Variants in OTUD7A observed in about 807,000 individuals in gnomAD.
OTUD7A encodes OTU deubiquitinase 7A.
OTUD7A carries 12 observed loss-of-function variants against 65.7 expected under a neutral mutation model. That is an observed-to-expected ratio of 0.18 (90% CI 0.12 to 0.30). The LOEUF (loss-of-function observed/expected upper bound fraction) is 0.30, where lower values mean the gene tolerates loss of function less well. Ranked by LOEUF, OTUD7A falls within the 10% of genes least tolerant of loss-of-function variation. The pLI, the probability that OTUD7A is intolerant of heterozygous loss-of-function variation, is 1.00. For missense variants in OTUD7A, 1,148 were observed against 1,304.8 expected (o/e 0.88, Z 1.85); for synonymous variants, 641 against 586.3 (o/e 1.09, Z -1.35).
chr15:31,756,021 C>T (rs1331166739), intron 1 of OTUD7A, among the ~76,000 whole-genome samples: 1 of 152,196 alleles, frequency 6.6e-6, no homozygotes, highest in Admixed American at 6.5e-5. Context: ...CTGAGGACTC[C>T]AGCCTCACCT....
intron 5 of OTUD7A, among the ~76,000 whole-genome samples, chr15:31,539,581 T>C (rs946220274): frequency 6.6e-6 from 1 of 152,176 alleles, no homozygotes; most frequent in African/African-American, 2.4e-5. Flanking sequence ...TTTTTTGGAA[T>C]GAAAATAAAT....
chr15:31,762,696 C>G (rs1379952703), intron 1 of OTUD7A, among the ~76,000 whole-genome samples: 1 of 152,224 alleles, frequency 6.6e-6, no homozygotes, highest in Non-Finnish European at 1.5e-5. Flanking sequence ...AACTTTGGAA[C>G]CACATCCCTG....
intron 1 of OTUD7A, among the ~76,000 whole-genome samples, chr15:31,696,080 C>T (rs1370585281): frequency 6.6e-6 from 1 of 152,132 alleles, no homozygotes; most frequent in African/African-American, 2.4e-5. Context: ...GAAGGAGTCC[C>T]CTGTGCAGGG....
At chr15:31,605,965 C>T (rs1407306857) in intron 3 of OTUD7A, among the ~76,000 whole-genome samples, 1 of 152,224 alleles carries the variant, frequency 6.6e-6, no homozygotes, top group Non-Finnish European at 1.5e-5. Flanking sequence ...CCAACATCAA[C>T]AGGCCTTTCT....
intron 2 of OTUD7A, among the ~76,000 whole-genome samples, chr15:31,655,689 T>C (rs951069870): frequency 1.3e-5 from 2 of 152,212 alleles, no homozygotes; most frequent in African/African-American, 4.8e-5. Context: ...TCCCAAGCTA[T>C]TGTATTTTGA....
At chr15:31,749,315 T>G (rs1595743992) in intron 1 of OTUD7A, among the ~76,000 whole-genome samples, 1 of 152,138 alleles carries the variant, frequency 6.6e-6, no homozygotes, top group Non-Finnish European at 1.5e-5. Context: ...CAAATTTTGG[T>G]GAGGATGTGG....
At position 31,483,622 on chromosome 15, in the gene OTUD7A, C is replaced by A; in HGVS notation, c.2474G>T (p.Arg825Leu). 1 of 1,190,436 alleles carries A rather than the reference C, an allele frequency of 8.4e-7. No individual in the cohort carries two copies. Among genetic ancestry groups the A allele is most frequent in the Non-Finnish European group, 1.0e-6 (1 of 964,020 alleles). The allele number at this position is 1,190,436 out of a possible 1,614,324, so 73.7% of individuals were successfully genotyped here. Reference protein sequence around the residue: ...SYSPARAAALRTVNTVESLAR... With the variant: ...SYSPARAAALLTVNTVESLAR... ...CAGCGACTCGACCGTGTTGACGGTG[C>A]GCAGGGCGGCGGCGCGCGCCGGGCT... is the stretch of plus-strand genomic sequence containing the variant. The change falls in exon 13 of 13, where the codon CGC (arginine) becomes CTC (leucine). Residue 825 changes from arginine (R) to leucine (L), a missense_variant. By Grantham distance (102) the Arg-to-Leu change is moderately radical. Around this residue, in one of 6 missense-constraint regions of OTUD7A, gnomAD observed 842 missense variants for 769.5 expected, o/e 1.09. Coordinates refer to ENST00000307050, the MANE Select transcript of OTUD7A (RefSeq NM_001382637.1).
rs945395925 is a variant in OTUD7A, at chr15:31,477,588, A to G, written c.*5706T>C. ...CACTGGGTCAGCTAAAGTTCTCACAATAATAGAACCTAGATTTGATGAAAG... is the reference window on the plus strand; with the variant it reads ...CACTGGGTCAGCTAAAGTTCTCACAGTAATAGAACCTAGATTTGATGAAAG... On this transcript the variant is annotated 3_prime_UTR_variant, in exon 13 of 13. Coordinates refer to ENST00000307050, the MANE Select transcript of OTUD7A (RefSeq NM_001382637.1). 1.3e-5 allele frequency: 2 copies of G among 152,202 alleles called. No homozygotes were observed. The highest frequency in any genetic ancestry group is 4.8e-5 in the African/African-American group (2 of 41,462). The allele number at this position is 152,202 out of a possible 1,614,324, so 9.4% of individuals were successfully genotyped here. A position where few individuals can be genotyped will look rare whatever the true frequency, so the allele number is the denominator to read the frequency against.
intron 8 of OTUD7A, among the ~76,000 whole-genome samples, chr15:31,517,891 G>A (rs994956292): frequency 8.5e-5 from 13 of 152,138 alleles, no homozygotes; most frequent in South Asian, 4.1e-4. Context: ...GCAAGAGCGC[G>A]TGTCATAGAT....
At chr15:31,864,173 C>T (rs897071606) in intron 1 of OTUD7A, among the ~76,000 whole-genome samples, 25 of 152,212 alleles carry the variant, frequency 1.6e-4, no homozygotes, top group African/African-American at 5.3e-4. Flanking sequence ...AGCCACTCAA[C>T]AAGTCTCTAG....
chr15:31,848,023 A>G (rs1211370596), intron 1 of OTUD7A, among the ~76,000 whole-genome samples: 1 of 152,232 alleles, frequency 6.6e-6, no homozygotes, highest in Non-Finnish European at 1.5e-5. Flanking sequence ...TGCAGATTAC[A>G]GTTCCCACAT....
chr15:31,744,137 C>T (rs541415020), intron 1 of OTUD7A, among the ~76,000 whole-genome samples: 1 of 152,180 alleles, frequency 6.6e-6, no homozygotes, highest in African/African-American at 2.4e-5. Flanking sequence ...TATGAAAATT[C>T]TTCCCTTAAA....
rs569600810 is a variant in OTUD7A, at chr15:31,815,609, T to G, written c.-100+54898A>C. On this transcript the variant is annotated intron_variant, in intron 1 of 12. Coordinates refer to ENST00000307050, the MANE Select transcript of OTUD7A (RefSeq NM_001382637.1). The stretch of plus-strand genomic sequence containing the variant: ...GGGCTGGAACTGTGTGAGTTCACTT[T>G]GCAAAGATCCTCTGGTCTATGGTTG... Among the ~76,000 whole-genome samples the G allele has an allele frequency of 2.0e-5, 3 of 152,348 alleles. No individual in the cohort carries two copies. In the East Asian group the frequency reaches 5.8e-4, roughly 29 times the overall value.
intron 8 of OTUD7A, among the ~76,000 whole-genome samples, chr15:31,515,641 C>T (rs2041837004): frequency 7.9e-6 from 1 of 125,864 alleles, no homozygotes. Flanking sequence ...TTCCTTCCCT[C>T]CCTCTCTCTC....
intron 1 of OTUD7A, among the ~76,000 whole-genome samples, chr15:31,719,690 G>C (rs920898147): frequency 1.3e-5 from 2 of 152,122 alleles, no homozygotes; most frequent in African/African-American, 4.8e-5. Context: ...TTGTTAAACT[G>C]AACTGGATTA....
chr15:31,504,596 A>G (rs1425932031), intron 8 of OTUD7A, among the ~76,000 whole-genome samples: 1 of 152,256 alleles, frequency 6.6e-6, no homozygotes, highest in Non-Finnish European at 1.5e-5. Context: ...CTGCACCTGC[A>G]GTGCCTGCCA....
At chr15:31,578,731 T>C (rs28680432) in intron 3 of OTUD7A, among the ~76,000 whole-genome samples, 53 of 152,308 alleles carry the variant, frequency 3.5e-4, no homozygotes, top group Non-Finnish European at 6.9e-4. Context: ...TTTGTATTTT[T>C]AGTAGAGGTG....
chr15:31,536,429 G>A (rs183315004), intron 5 of OTUD7A, among the ~76,000 whole-genome samples: 11 of 152,310 alleles, frequency 7.2e-5, no homozygotes, highest in Admixed American at 6.5e-4. Flanking sequence ...AATATAACAT[G>A]CACCTCCCTA....
chr15:31,753,727 AT>A (rs1567005166), intron 1 of OTUD7A, among the ~76,000 whole-genome samples: 1,839 of 130,512 alleles, frequency 0.014, 82 homozygotes, highest in African/African-American at 0.056. Flanking sequence ...TATATTATAT[AT>A]ATATATATAT....
Sources: allele counts gnomAD v4.1 joint callset (sites outside exome capture counted in the v4.1 genomes callset), GRCh38; gene constraint gnomAD v4.1.1; regional missense constraint gnomAD v4.1.1; transcripts MANE v1.5; gene names NCBI Gene and HGNC (gene_info 2026-07-23, HGNC 2026-07-21).